The following ACAP3 variants were observed in gnomAD, a reference collection of about 807,000 sequenced individuals.
The protein encoded by ACAP3 is ArfGAP with coiled-coil, ankyrin repeat and PH domains 3, also known as arf-GAP with coiled-coil, ANK repeat and PH domain-containing protein 3.
Under a neutral mutation model 104.1 loss-of-function variants are expected in ACAP3, and 56 were observed. The ratio of observed to expected loss-of-function variants is 0.54; its 90% CI spans 0.43 to 0.67. The LOEUF (loss-of-function observed/expected upper bound fraction) is 0.67. Among genes scored for constraint, ACAP3 ranks in the 30% least tolerant of loss-of-function variants. The pLI is 0.00. For synonymous variants in ACAP3, 628 were observed against 496.2 expected, an observed-to-expected ratio of 1.27 and a Z score of -3.53; for missense variants, 1,208 against 1,174.9, an observed-to-expected ratio of 1.03 and a Z score of -0.41.
chr1:1,296,742 AGCACACGCCCGCACACGCACGTACAC>A, intron 14 of ACAP3, 109 bp from the exon 15 acceptor site: 1 of 1,197,674 alleles, frequency 8.3e-7, no homozygotes, highest in Non-Finnish European at 1.2e-6. Flanking sequence ...GGGCCCCTCG[AGCACACGCCCGCACACGCACGTACAC>A]GCGCACACCC....
intron 19 of ACAP3, 120 bp from the exon 20 acceptor site, chr1:1,294,936 TC>T: frequency 1.0e-6 from 1 of 977,182 alleles, no homozygotes; most frequent in Non-Finnish European, 1.5e-6. Context: ...CAGGACCAGC[TC>T]CCACCCAGGG....
rs1239578939 is a variant in ACAP3, at chr1:1,294,095, G to T, written c.2244C>A (p.Arg748=). 3.2e-6 allele frequency: 5 copies of T among 1,571,774 alleles called. No individual in the cohort carries two copies. The Admixed American group carries it at 7.3e-5, about 23-fold the overall frequency. ...GCGTGGGTTGCGCGTCTCACCCGGT[G>T]CGGCCCAGCAGCGTGGCGTGGTGCA... ...APLHHATLLG[R]TGQVCLFLKR... is the part of the protein sequence containing the mutation. The change falls in exon 22 of 24, where the codon CGC becomes CGA. Residue 748 remains arginine (R), a synonymous_variant. Coordinates refer to ENST00000354700, the MANE Select transcript of ACAP3 (RefSeq NM_030649.3).
rs1253615143 is a variant in ACAP3 at position 1,297,837 on chromosome 1, G to A, written c.1113C>T (p.Asp371=). The change falls in exon 14 of 24, where the codon GAC becomes GAT. Residue 371 remains aspartate (D), a synonymous_variant. Transcript: ENST00000354700. ...SIASAYRESP[D]SCYSERLDRT... is the part of the protein sequence containing the mutation. ...AGGGCCACACCTCGCTATAGCAACT[G>A]TCAGGGCTCTCGCGGTAGGCGGAGG... 1 of 1,611,678 alleles carries A rather than the reference G, an allele frequency of 6.2e-7. No homozygotes were observed. The highest frequency in any genetic ancestry group is 1.7e-5 in the Admixed American group (1 of 59,986).
At position 1,299,368 on chromosome 1, in the gene ACAP3, G is replaced by A. The variant is rs1227668770; in HGVS notation, c.739-12C>T. On this transcript the variant is annotated splice_polypyrimidine_tract_variant and intron_variant, in intron 9 of 23. Transcript: ENST00000354700. The stretch of plus-strand genomic sequence containing the variant: ...ACCTGCAGCAGCGTCTGGAGGGCCG[G>A]AGCAGGAGGGGGTAGGGGGAGAAAG... 35 of 1,562,340 alleles carry A rather than the reference G, an allele frequency of 2.2e-5. No homozygotes were observed. Among genetic ancestry groups the A allele is most frequent in the East Asian group, 9.3e-5 (4 of 43,226 alleles).
At chr1:1,294,950 G>A (rs546483206) in intron 19 of ACAP3, 134 bp from the exon 20 acceptor site, 795 of 797,634 alleles carry the variant, frequency 1.0e-3, no homozygotes, top group Admixed American at 1.4e-3. Context: ...ACCCAGGGCC[G>A]GGGGGAGCCA....
At position 1,293,675 on chromosome 1, in the gene ACAP3, G is replaced by T; in HGVS notation, c.2394C>A (p.Arg798=). The change falls in exon 24 of 24, where the codon CGC becomes CGA. Residue 798 remains arginine (R), a synonymous_variant. Transcript: ENST00000354700. ...LRLARMAEEM[R]EAEAAPGPPG... ...GGGGACCAGGGGCAGCCTCGGCCTC[G>T]CGCATTTCCTCCGCCATGCGCGCCA... is the stretch of plus-strand genomic sequence containing the variant. The T allele has an allele frequency of 6.9e-7, 1 of 1,456,386 alleles. No individual in the cohort carries two copies. Among genetic ancestry groups the T allele is most frequent in the South Asian group, 1.3e-5 (1 of 75,960 alleles). 90.2% of individuals were successfully genotyped at this position (1,456,386 alleles called of 1,614,324 possible). A position where few individuals can be genotyped will look rare whatever the true frequency, so the allele number is the denominator to read the frequency against.
chr1:1,307,505 C>T, intron 1 of ACAP3: 1 of 1,205,102 alleles, frequency 8.3e-7, no homozygotes, highest in South Asian at 1.3e-5. Context: ...AGACACAGAG[C>T]GGGGGCGGAC....
rs762328501 is a variant in ACAP3, at chr1:1,296,178, G to A, written c.1407+33C>T. On this transcript the variant is annotated intron_variant, in intron 16 of 23. Coordinates refer to ENST00000354700, the MANE Select transcript of ACAP3 (RefSeq NM_030649.3). ...ACCCCAGCTCCCGCCCCCACAAACG[G>A]GGTCCCGTGGCCTCCAGGAGCCCCA... is the stretch of plus-strand genomic sequence containing the variant. The A allele has an allele frequency of 3.1e-6, 5 of 1,598,308 alleles. No homozygotes were observed. The Admixed American group carries it at 8.7e-5, about 28-fold the overall frequency.
At chr1:1,306,436 T>C (rs1277397266) in intron 1 of ACAP3, among the ~76,000 whole-genome samples, 1 of 151,952 alleles carries the variant, frequency 6.6e-6, no homozygotes, top group Non-Finnish European at 1.5e-5. Flanking sequence ...GATCCTAGGG[T>C]GCTCAAGTTA....
chr1:1,296,362 A>C (rs1641151760), intron 15 of ACAP3, 63 bp downstream of exon 15: 2 of 1,530,094 alleles, frequency 1.3e-6, no homozygotes, highest in Middle Eastern at 1.7e-4. Flanking sequence ...CCTGGCCCTC[A>C]GGGGCCCACC....
chr1:1,301,426 A>ATT lies in ACAP3; in HGVS notation c.338+560_338+561dup, dbSNP rs70949569. On this transcript the variant is annotated intron_variant, in intron 5 of 23. Coordinates refer to ENST00000354700, the MANE Select transcript of ACAP3 (RefSeq NM_030649.3). ...AGGCACGTGCCACCATGCCCATCTA[A>ATT]TTTTTTTTTTTTTTTTTTTTTGTAG... 5.2e-3 allele frequency: 576 copies of ATT among 109,984 alleles called. 11 individuals carry two copies. Among genetic ancestry groups the ATT allele is most frequent in the African/African-American group, 0.013 (342 of 26,396 alleles). 6.8% of individuals were successfully genotyped at this position (109,984 alleles called of 1,614,324 possible).
chr1:1,295,800 A>G lies in ACAP3; in HGVS notation c.1641T>C (p.Ala547=), dbSNP rs756155289. 1 of 1,609,400 alleles carries G rather than the reference A, an allele frequency of 6.2e-7. No homozygotes were observed. Among genetic ancestry groups the G allele is most frequent in the African/African-American group, 1.3e-5 (1 of 74,908 alleles). The part of the protein sequence containing the change: ...KCLRPHSSPR[A]PTARRKVRLE... ...GCCGGACCTTGCGGCGGGCAGTGGG[A>G]GCGCGGGGAGAGCTGTGGGGCCGCA... Residue 547 remains alanine, a synonymous_variant, in exon 18 of 24, where the codon GCT becomes GCC. Transcript: ENST00000354700.
At chr1:1,302,795 T>TACCC in intron 4 of ACAP3, 127 bp downstream of exon 4, 1 of 167,382 alleles carries the variant, frequency 6.0e-6, no homozygotes. Flanking sequence ...AATGTGGGAT[T>TACCC]CCCCCCCCCC....
Position 1,294,788 on chromosome 1 carries a change from G to A in ACAP3, c.1842C>T (p.Gly614=). The A allele has an allele frequency of 6.5e-7, 1 of 1,549,942 alleles. No homozygotes were observed. The highest frequency in any genetic ancestry group is 8.7e-7 in the Non-Finnish European group (1 of 1,146,750). The change falls in exon 20 of 24, where the codon GGC becomes GGT. Residue 614 remains glycine (G), a synonymous_variant. Coordinates refer to ENST00000354700, the MANE Select transcript of ACAP3 (RefSeq NM_030649.3). ...RSLSSDSGLG[G]SSDGSSDVLA... is the part of the protein sequence containing the mutation. ...GGACGTCCGAGCTGCCATCCGAGCT[G>A]CCCCCAAGGCCACTGTCGCTACTCA...
chr1:1,295,083 C>A (rs1198796422), intron 19 of ACAP3: 6 of 562,242 alleles, frequency 1.1e-5, no homozygotes, highest in Non-Finnish European at 1.9e-5. Context: ...ACCCGGCACC[C>A]CCCGCAGTGG....
At position 1,294,081 on chromosome 1, in the gene ACAP3, G is replaced by A; in HGVS notation, c.2249+9C>T. On this transcript the variant is annotated intron_variant, in intron 22 of 23. Transcript: ENST00000354700. ...GGGCACAGGGCGGGGCGTGGGTTGC[G>A]CGTCTCACCCGGTGCGGCCCAGCAG... The A allele has an allele frequency of 1.3e-6, 2 of 1,558,282 alleles. No individual in the cohort carries two copies. Among genetic ancestry groups the A allele is most frequent in the Non-Finnish European group, 1.7e-6 (2 of 1,150,798 alleles).
At chr1:1,296,673 C>G (rs745522239) in intron 14 of ACAP3, 40 bp from the exon 15 acceptor site, 446 of 1,516,118 alleles carry the variant, frequency 2.9e-4, no homozygotes, top group Non-Finnish European at 3.8e-4. Flanking sequence ...CGCAGGGGCT[C>G]CAGCATGGTT....
At chr1:1,295,051 C>T in intron 19 of ACAP3, 1 of 572,308 alleles carries the variant, frequency 1.7e-6, no homozygotes, top group Non-Finnish European at 3.1e-6. Flanking sequence ...TTGGGAAGCC[C>T]TTCCCTCCCG....
chr1:1,294,691 C>G, intron 20 of ACAP3, 27 bp downstream of exon 20: 2 of 1,547,838 alleles, frequency 1.3e-6, no homozygotes, highest in Non-Finnish European at 1.7e-6. Context: ...GGGCAGGGGC[C>G]TCGGGCGAGG....
Sources: gnomAD v4.1 joint callset for allele counts (sites outside exome capture counted in the v4.1 genomes callset) on GRCh38, gnomAD v4.1.1 for gene constraint, MANE v1.5 for transcripts, NCBI Gene and HGNC (gene_info 2026-07-23, HGNC 2026-07-21) for gene names.